The following TNNI3K variants were observed in gnomAD, a reference collection of about 807,000 sequenced individuals.
The protein encoded by TNNI3K is serine/threonine-protein kinase TNNI3K.
Under a neutral mutation model 114.5 loss-of-function variants are expected in TNNI3K, and 140 were observed. The ratio of observed to expected loss-of-function variants is 1.22; its 90% CI spans 1.07 to 1.41. The LOEUF (loss-of-function observed/expected upper bound fraction) is 1.41. Among genes scored for constraint, TNNI3K ranks in the 40% most tolerant of loss-of-function variants. The probability of loss-of-function intolerance (pLI) is 0.00; values close to 1 mark genes in which losing one functional copy is unlikely to be tolerated. For missense variants in TNNI3K, 1,125 were observed against 1,007.6 expected, an observed-to-expected ratio of 1.12 and a Z score of -1.58; for synonymous variants, 347 against 347.5, an observed-to-expected ratio of 1.00 and a Z score of 0.02.
chr1:74,267,143 T>C (rs1390137009), intron 4 of TNNI3K, among the ~76,000 whole-genome samples: 1 of 151,982 alleles, frequency 6.6e-6, no homozygotes, highest in Non-Finnish European at 1.5e-5. Context: ...AGACTTTCTT[T>C]TAAAAACATT....
intron 5 of TNNI3K, among the ~76,000 whole-genome samples, chr1:74,299,649 C>T (rs1201882549): frequency 6.6e-6 from 1 of 152,030 alleles, no homozygotes; most frequent in Non-Finnish European, 1.5e-5. Flanking sequence ...GAAACTAAGT[C>T]ACCCTATTGA....
chr1:74,471,326 A>C (rs921335800), intron 21 of TNNI3K: 1 of 400,724 alleles, frequency 2.5e-6, no homozygotes, highest in Non-Finnish European at 4.4e-6. Context: ...TCTGCAGAAC[A>C]CACAGTATTT....
intron 5 of TNNI3K, among the ~76,000 whole-genome samples, chr1:74,294,984 CTTTT>C (rs141594221): frequency 1.3e-5 from 2 of 151,406 alleles, no homozygotes; most frequent in East Asian, 1.9e-4. Flanking sequence ...TATTTTCATC[CTTTT>C]TTTATTGTTT....
At chr1:74,265,963 A>G (rs1433557236) in intron 4 of TNNI3K, among the ~76,000 whole-genome samples, 1 of 151,994 alleles carries the variant, frequency 6.6e-6, no homozygotes, top group Admixed American at 6.6e-5. Flanking sequence ...TTATTGAATT[A>G]TTTATTCATT....
At chr1:74,484,099 T>C (rs555594142) in intron 21 of TNNI3K, among the ~76,000 whole-genome samples, 2 of 152,170 alleles carry the variant, frequency 1.3e-5, no homozygotes, top group Middle Eastern at 3.4e-3. Context: ...TTAGTAAATG[T>C]TAAACTTTAC....
chr1:74,397,266 T>C (rs1406535147), intron 17 of TNNI3K, among the ~76,000 whole-genome samples: 2 of 151,136 alleles, frequency 1.3e-5, no homozygotes, highest in Non-Finnish European at 2.9e-5. Flanking sequence ...ATTAAAGAGA[T>C]ACACAGAAGG....
chr1:74,319,767 G>A (rs1659509539), intron 5 of TNNI3K, among the ~76,000 whole-genome samples: 1 of 152,140 alleles, frequency 6.6e-6, no homozygotes, highest in Non-Finnish European at 1.5e-5. Flanking sequence ...ACAAGAAACG[G>A]GTGCTGGGTT....
At chr1:74,394,426 A>G (rs1663964843) in intron 17 of TNNI3K, among the ~76,000 whole-genome samples, 1 of 152,170 alleles carries the variant, frequency 6.6e-6, no homozygotes, top group Non-Finnish European at 1.5e-5. Context: ...GAAATAATGT[A>G]TACAGTGGTC....
At chr1:74,393,071 G>C (rs536469025) in intron 17 of TNNI3K, among the ~76,000 whole-genome samples, 29 of 152,296 alleles carry the variant, frequency 1.9e-4, no homozygotes, top group Admixed American at 8.5e-4. Context: ...TCATTGTGAC[G>C]ATTAGCAGAA....
At chr1:74,517,638 C>A (rs1435367081) in intron 23 of TNNI3K, among the ~76,000 whole-genome samples, 1 of 152,112 alleles carries the variant, frequency 6.6e-6, no homozygotes, top group Non-Finnish European at 1.5e-5. Flanking sequence ...ACAGTGGCAA[C>A]CTCAATTAGG....
intron 17 of TNNI3K, among the ~76,000 whole-genome samples, chr1:74,390,515 A>G (rs1663708660): frequency 6.6e-6 from 1 of 152,170 alleles, no homozygotes; most frequent in Non-Finnish European, 1.5e-5. Context: ...TTTGAGCAGT[A>G]GTGATAATAC....
intron 23 of TNNI3K, among the ~76,000 whole-genome samples, chr1:74,533,657 C>G (rs886562971): frequency 6.6e-6 from 1 of 151,820 alleles, no homozygotes; most frequent in Non-Finnish European, 1.5e-5. Context: ...GACTTGGAAC[C>G]AACCCAAATG....
chr1:74,312,639 A>G (rs1387379068), intron 5 of TNNI3K, among the ~76,000 whole-genome samples: 1 of 152,200 alleles, frequency 6.6e-6, no homozygotes, highest in Non-Finnish European at 1.5e-5. Flanking sequence ...ACTTCTGATT[A>G]TTCTGGACTA....
intron 5 of TNNI3K, among the ~76,000 whole-genome samples, chr1:74,272,554 A>C (rs1239502058): frequency 6.6e-6 from 1 of 151,828 alleles, no homozygotes; most frequent in African/African-American, 2.4e-5. Flanking sequence ...GGTGTGTTTG[A>C]GGGACATGAT....
intron 22 of TNNI3K, among the ~76,000 whole-genome samples, chr1:74,489,715 T>A (rs1668954282): frequency 6.6e-6 from 1 of 152,196 alleles, no homozygotes; most frequent in Admixed American, 6.5e-5. Flanking sequence ...TAATGTGATA[T>A]ATGTTGGTAA....
intron 11 of TNNI3K, among the ~76,000 whole-genome samples, chr1:74,358,666 G>A (rs60973565): frequency 0.017 from 2,514 of 152,022 alleles, 67 homozygotes; most frequent in African/African-American, 0.057. Context: ...TACTGGTTTA[G>A]TGTGCAAGAG....
At chr1:74,247,297 C>T (rs1654629534) in intron 2 of TNNI3K, among the ~76,000 whole-genome samples, 1 of 152,068 alleles carries the variant, frequency 6.6e-6, no homozygotes, top group Admixed American at 6.6e-5. Context: ...TTGTTCCTCC[C>T]GTCCGGAGTT....
intron 4 of TNNI3K, 22 bp from the exon 5 acceptor site, chr1:74,271,576 C>G: frequency 1.3e-6 from 2 of 1,575,954 alleles, no homozygotes; most frequent in Admixed American, 3.5e-5. Context: ...AAAAGTAACA[C>G]TAAAGATATG....
intron 17 of TNNI3K, among the ~76,000 whole-genome samples, chr1:74,410,255 T>G (rs1394904908): frequency 6.6e-6 from 1 of 152,168 alleles, no homozygotes; most frequent in Non-Finnish European, 1.5e-5. Flanking sequence ...ATTTTAAAAT[T>G]AAAGTATTAT....
Sources: allele counts gnomAD v4.1 joint callset (sites outside exome capture counted in the v4.1 genomes callset), GRCh38; gene constraint gnomAD v4.1.1; transcripts MANE v1.5; gene names NCBI Gene and HGNC (gene_info 2026-07-23, HGNC 2026-07-21).